Variants in PLXNC1 observed in about 807,000 individuals in gnomAD.
PLXNC1 encodes plexin-C1.
Under a neutral mutation model 178.2 loss-of-function variants are expected in PLXNC1, and 75 were observed. The observed-to-expected ratio is 0.42, with a 90% CI of 0.35 to 0.51. PLXNC1 has a LOEUF of 0.51. PLXNC1 is among the 20% of genes least tolerant of loss of function. The pLI is 0.02. For missense variants in PLXNC1, 1,503 were observed against 1,984.4 expected, an observed-to-expected ratio of 0.76 and a Z score of 4.61; for synonymous variants, 790 against 779.9, an observed-to-expected ratio of 1.01 and a Z score of -0.22.
At chr12:94,183,176 G>A (rs61423638) in intron 3 of PLXNC1, among the ~76,000 whole-genome samples, 14,677 of 152,198 alleles carry the variant, frequency 0.096, 993 homozygotes, top group African/African-American at 0.19. Context: ...AAGGAAAATA[G>A]CAATGACAGC....
In PLXNC1 at chr12:94,240,605, C is replaced by G; in HGVS notation, c.2241C>G (p.Ser747=). 1 of 1,613,332 alleles carries G rather than the reference C, an allele frequency of 6.2e-7. No homozygotes were observed. ...FDGGNCSSVG[S]LSYIALPHCS... ...GTGGGAACTGCTCTTCTGTGGGATC[C>G]TTATCCTACATTGCTCTGCCACATT... The change falls in exon 11 of 31, where the codon TCC becomes TCG. Residue 747 remains serine, a synonymous_variant. Transcript: ENST00000258526.
intron 12 of PLXNC1, among the ~76,000 whole-genome samples, chr12:94,244,352 G>A (rs969953211): frequency 3.9e-5 from 6 of 152,204 alleles, no homozygotes; most frequent in African/African-American, 7.2e-5. Flanking sequence ...AATGGTTAAG[G>A]TGTGATATAA....
In PLXNC1 at chr12:94,294,686, T is replaced by A. The variant is rs370093597; in HGVS notation, c.3934+146T>A. The A allele has an allele frequency of 1.8e-5, 10 of 561,628 alleles. 1 individual carries two copies. The highest frequency in any genetic ancestry group is 1.5e-4 in the African/African-American group (8 of 53,084). 34.8% of individuals were successfully genotyped at this position (561,628 alleles called of 1,614,324 possible). On this transcript the variant is annotated intron_variant, in intron 24 of 30. Coordinates refer to ENST00000258526, the MANE Select transcript of PLXNC1 (RefSeq NM_005761.3). ...AAAGTTGAGAAAAGTCATTTTGATC[T>A]CTTTGCAGTCCTAAGAATGTGATCC...
At chr12:94,300,362 A>T (rs1274608702) in intron 27 of PLXNC1, among the ~76,000 whole-genome samples, 1 of 152,218 alleles carries the variant, frequency 6.6e-6, no homozygotes, top group African/African-American at 2.4e-5. Context: ...GAGGCAAGAA[A>T]GTTTCAGGCA....
chr12:94,291,166 G>C (rs1318385542), intron 23 of PLXNC1, among the ~76,000 whole-genome samples: 1 of 152,204 alleles, frequency 6.6e-6, no homozygotes, highest in Non-Finnish European at 1.5e-5. Flanking sequence ...CTCCAAAAGA[G>C]GCAATATATA....
chr12:94,285,935 C>T (rs1045136804), intron 23 of PLXNC1, among the ~76,000 whole-genome samples: 7 of 152,086 alleles, frequency 4.6e-5, no homozygotes, highest in Admixed American at 2.0e-4. Context: ...TGGGGTGGGC[C>T]GCAGAGGCAG....
chr12:94,279,883 G>A (rs540525647), intron 22 of PLXNC1: 1 of 671,298 alleles, frequency 1.5e-6, no homozygotes, highest in East Asian at 2.8e-5. Flanking sequence ...TGTTGTTGTT[G>A]TCTTTAAATA....
At chr12:94,157,263 C>T (rs535466965) in intron 1 of PLXNC1, among the ~76,000 whole-genome samples, 9 of 152,240 alleles carry the variant, frequency 5.9e-5, no homozygotes, top group Admixed American at 2.0e-4. Context: ...AACAGGATGG[C>T]GGAAGAGCCA....
At chr12:94,158,961 T>G (rs1296842236) in intron 1 of PLXNC1, among the ~76,000 whole-genome samples, 1 of 152,010 alleles carries the variant, frequency 6.6e-6, no homozygotes, top group Non-Finnish European at 1.5e-5. Context: ...GTTGATGGAG[T>G]AAAACAGCGG....
At chr12:94,273,615 G>A (rs761086102) in intron 21 of PLXNC1, among the ~76,000 whole-genome samples, 1 of 152,104 alleles carries the variant, frequency 6.6e-6, no homozygotes, top group East Asian at 1.9e-4. Flanking sequence ...CATTCTACCT[G>A]GCATTAGAAT....
chr12:94,240,876 T>C (rs1399892242), intron 11 of PLXNC1, among the ~76,000 whole-genome samples: 1 of 152,208 alleles, frequency 6.6e-6, no homozygotes, highest in Non-Finnish European at 1.5e-5. Context: ...CCTTTTTCCC[T>C]TCACCATGGC....
In PLXNC1 at chr12:94,209,736, G is replaced by C. The variant is rs757459618; in HGVS notation, c.1554+32G>C. The C allele has an allele frequency of 8.4e-6, 11 of 1,317,166 alleles. 1 individual carries two copies. The South Asian group carries it at 1.1e-4, about 13-fold the overall frequency. The allele number at this position is 1,317,166 out of a possible 1,614,324, so 81.6% of individuals were successfully genotyped here. ...GGAAAGATTTTAATTTGTCCTCGTT[G>C]TATTGTCTCATTTTGCACAGCGGAT... On this transcript the variant is annotated intron_variant, in intron 5 of 30. Transcript: ENST00000258526.
chr12:94,224,160 G>T, intron 6 of PLXNC1, 68 bp from the exon 7 acceptor site: 1 of 905,680 alleles, frequency 1.1e-6, no homozygotes, highest in South Asian at 1.3e-5. Flanking sequence ...ATCTTTTTTT[G>T]CATTTACAGC....
chr12:94,171,912 G>A lies in PLXNC1; in HGVS notation c.1203+2619G>A, dbSNP rs796279277. ...AACTTGAGCTGACTTGCCCCACCAG[G>A]CTCCCTAGGGCAGCTCAGTAATGCC... On this transcript the variant is annotated intron_variant, in intron 2 of 30. Transcript: ENST00000258526. 4.8e-4 allele frequency among the ~76,000 whole-genome samples: 73 copies of A among 152,246 alleles called. 1 individual carries two copies. The highest frequency in any genetic ancestry group is 1.7e-3 in the African/African-American group (69 of 41,558).
Position 94,260,660 on chromosome 12 carries a change from C to T in PLXNC1, c.3270C>T (p.Phe1090=). 6.2e-7 allele frequency: 1 copy of T among 1,613,702 alleles called. No individual in the cohort carries two copies. Among genetic ancestry groups the T allele is most frequent in the Non-Finnish European group, 8.5e-7 (1 of 1,179,830 alleles). ...SVKDRCLFAS[F]LTIALQTKLV... is the part of the protein sequence containing the mutation. The stretch of plus-strand genomic sequence containing the variant: ...TCAACAGGTGTCTGTTTGCCTCCTT[C>T]CTAACCATTGCACTGCAAACCAAGC... The change falls in exon 20 of 31, where the codon TTC becomes TTT. Residue 1090 remains phenylalanine (F), a synonymous_variant. Coordinates refer to ENST00000258526, the MANE Select transcript of PLXNC1 (RefSeq NM_005761.3). The surrounding 1 kb of genome is among the most constrained non-coding windows in gnomAD (Gnocchi z 4.4).
intron 24 of PLXNC1, among the ~76,000 whole-genome samples, chr12:94,296,799 T>C (rs1565871077): frequency 6.6e-6 from 1 of 152,242 alleles, no homozygotes; most frequent in Non-Finnish European, 1.5e-5. Context: ...ACCTAGAAGT[T>C]TGATGTCTCT....
chr12:94,186,092 C>G (rs368589185), intron 3 of PLXNC1: 1 of 278,910 alleles, frequency 3.6e-6, no homozygotes, highest in South Asian at 5.0e-5. Flanking sequence ...AGAAAAAAAT[C>G]TTTTAAATGA....
At chr12:94,270,649 T>C (rs1379924355) in intron 21 of PLXNC1, among the ~76,000 whole-genome samples, 1 of 151,892 alleles carries the variant, frequency 6.6e-6, no homozygotes, top group Non-Finnish European at 1.5e-5. Flanking sequence ...TATCTTGGGC[T>C]AAATCAGACA....
intron 24 of PLXNC1, 110 bp from the exon 25 acceptor site, chr12:94,297,079 C>CA: frequency 9.7e-7 from 1 of 1,029,566 alleles, no homozygotes; most frequent in Non-Finnish European, 1.5e-6. Context: ...TCAAAAAGCT[C>CA]AAGTAACTTC....
Sources: allele counts gnomAD v4.1 joint callset (sites outside exome capture counted in the v4.1 genomes callset), GRCh38; gene constraint gnomAD v4.1.1; non-coding constraint Gnocchi (gnomAD v3.1); transcripts MANE v1.5; gene names NCBI Gene and HGNC (gene_info 2026-07-23, HGNC 2026-07-21).